Variants in SYT3 observed in about 807,000 individuals in gnomAD.
SYT3 encodes synaptotagmin-3.
SYT3 carries 25 observed loss-of-function variants against 50.6 expected under a neutral mutation model. The ratio of observed to expected loss-of-function variants is 0.49; its 90% confidence interval spans 0.36 to 0.69. The LOEUF (loss-of-function observed/expected upper bound fraction) is 0.69, where lower values mean the gene tolerates loss of function less well. Among genes scored for constraint, SYT3 ranks in the 30% least tolerant of loss-of-function variants. The probability of loss-of-function intolerance (pLI) is 0.00; values close to 1 mark genes in which losing one functional copy is unlikely to be tolerated. For synonymous variants in SYT3, 323 were observed against 353.9 expected (o/e 0.91, Z 0.98); for missense variants, 589 against 793.6 (o/e 0.74, Z 3.10).
At chr19:50,635,363 G>A (rs565710628) in intron 3 of SYT3, among the ~76,000 whole-genome samples, 26 of 152,248 alleles carry the variant, frequency 1.7e-4, no homozygotes, top group Non-Finnish European at 2.9e-4. Context: ...TTCCCCTACC[G>A]CCAGCCTGAT....
intron 9 of SYT3, chr19:50,624,727 T>G (rs1193246876): frequency 6.5e-6 from 1 of 153,688 alleles, no homozygotes; most frequent in African/African-American, 2.4e-5. Flanking sequence ...TAATTTTGTA[T>G]TTTTAGTAGA....
rs372300675 is a variant in SYT3, at chr19:50,639,416, ATT to A, written c.-153-256_-153-255del. 9,740 of 143,876 alleles carry A rather than the reference ATT, an allele frequency of 0.068. 437 individuals are homozygous for A. Among genetic ancestry groups the A allele is most frequent in the Non-Finnish European group, 0.1 (6,725 of 65,526 alleles). The allele number at this position is 143,876 out of a possible 1,614,324, so 8.9% of individuals were successfully genotyped here. A position where few individuals can be genotyped will look rare whatever the true frequency, so the allele number is the denominator to read the frequency against. Reference sequence around the variant, plus strand: ...GCCTCCGGGCTGCAGAGAGGATGGGATTTTTTTTTTTTTTTTAAGGTTTTGGG... The same window carrying A: ...GCCTCCGGGCTGCAGAGAGGATGGGATTTTTTTTTTTTTTAAGGTTTTGGG... On this transcript the variant is annotated intron_variant, in intron 1 of 10. Coordinates refer to ENST00000600079, the MANE Select transcript of SYT3 (RefSeq NM_001160329.2). The surrounding 1 kb of genome is among the most constrained non-coding windows in gnomAD (Gnocchi z 4.6).
the SYT3 span, among the ~76,000 whole-genome samples, chr19:50,657,515 A>G: frequency 6.6e-6 from 1 of 152,206 alleles, no homozygotes; most frequent in Non-Finnish European, 1.5e-5. Context: ...AAATAGATTG[A>G]CAAGACATCA....
In SYT3 at chr19:50,632,215, A is replaced by C; in HGVS notation, c.674+71T>G. ...TCCAAATCCCGAACTCATAAGAGCT[A>C]TAGATAGGAAAGAGACACAGAGGAG... On this transcript the variant is annotated intron_variant, in intron 4 of 10. Transcript: ENST00000600079. This position sits in a 1 kb window ranked among gnomAD's most constrained non-coding sequence, Gnocchi z 4.7. 7 of 1,457,060 alleles carry C rather than the reference A, an allele frequency of 4.8e-6. No individual in the cohort carries two copies. Among genetic ancestry groups the C allele is most frequent in the Non-Finnish European group, 6.5e-6 (7 of 1,081,930 alleles). 90.3% of individuals were successfully genotyped at this position (1,457,060 alleles called of 1,614,324 possible). A position where few individuals can be genotyped will look rare whatever the true frequency, so the allele number is the denominator to read the frequency against.
the SYT3 span, among the ~76,000 whole-genome samples, chr19:50,650,577 A>G: frequency 1.3e-5 from 2 of 152,318 alleles, no homozygotes; most frequent in East Asian, 3.9e-4. Flanking sequence ...AGGCTGAGGC[A>G]GGAGAATCGC....
chr19:50,625,278 C>T lies in SYT3; in HGVS notation c.1591G>A (p.Val531Met). ...GGGCCCACACGGCACACGCCGATCA[C>T]CTCGTTGTGCCCGATGCTGGGGGTT... Reference protein sequence around the residue: ...VDYDCIGHNEVIGVCRVGPDA... With the variant: ...VDYDCIGHNEMIGVCRVGPDA... Residue 531 changes from valine to methionine, a missense_variant, in exon 9 of 11, where the codon GTG becomes ATG. Val to Met is a conservative substitution (Grantham distance 21). Around this residue, in one of 2 missense-constraint regions of SYT3, gnomAD observed 273 missense variants for 439.3 expected, o/e 0.62. Coordinates refer to ENST00000600079, the MANE Select transcript of SYT3 (RefSeq NM_001160329.2). The surrounding 1 kb of genome is among the most constrained non-coding windows in gnomAD (Gnocchi z 7.5). 6.5e-7 allele frequency: 1 copy of T among 1,541,004 alleles called. No individual in the cohort carries two copies. The highest frequency in any genetic ancestry group is 8.7e-7 in the Non-Finnish European group (1 of 1,146,876).
Position 50,639,638 on chromosome 19 carries a change from C to A in SYT3, c.-154+152G>T, listed in dbSNP as rs995442546. Among the ~76,000 whole-genome samples, 2 of 151,898 alleles carry A rather than the reference C, an allele frequency of 1.3e-5. No individual in the cohort carries two copies. Among genetic ancestry groups the A allele is most frequent in the Non-Finnish European group, 1.5e-5 (1 of 67,938 alleles). ...CCTTCCAGGGCCACGTGCCCCTCCC[C>A]CGGGGTGGCCAGAGAGCGCTGCAGC... On this transcript the variant is annotated intron_variant, in intron 1 of 10. Transcript: ENST00000600079. The surrounding 1 kb of genome is among the most constrained non-coding windows in gnomAD (Gnocchi z 4.6).
In SYT3 at chr19:50,629,294, C is replaced by A. The variant is rs778913847; in HGVS notation, c.1281G>T (p.Ser427=). The A allele has an allele frequency of 1.3e-6, 2 of 1,591,388 alleles. No individual in the cohort carries two copies. Among genetic ancestry groups the A allele is most frequent in the African/African-American group, 2.7e-5 (2 of 74,444 alleles). The change falls in exon 6 of 11, where the codon TCG becomes TCT. Residue 427 remains serine, a splice_region_variant and synonymous_variant. Coordinates refer to ENST00000600079, the MANE Select transcript of SYT3 (RefSeq NM_001160329.2). ...AAGGTCAGGGGAGAGGGCCACTGAC[C>A]GAGCCGCCCTCCACGATGTCCCTCC... ...PLWRDIVEGG[S]EKADLGELNF...
chr19:50,623,145 G>A (rs1983910193), intron 9 of SYT3, among the ~76,000 whole-genome samples: 1 of 151,532 alleles, frequency 6.6e-6, no homozygotes, highest in Non-Finnish European at 1.5e-5. Context: ...AAATTCATGG[G>A]CAGTGTCAGG....
Position 50,632,585 on chromosome 19 carries a change from A to T in SYT3, c.375T>A (p.Pro125=), listed in dbSNP as rs373467302. ...CATGGTGGTGTGGGCCGCCCAGCAG[A>T]GGATGGCCACCCAGGCCAGCCGCCA... ...HHLAAGLGGH[P]LLGGPHHHAH... is the part of the protein sequence containing the mutation. Residue 125 remains proline (P), a synonymous_variant, in exon 4 of 11, where the codon CCT becomes CCA. Coordinates refer to ENST00000600079, the MANE Select transcript of SYT3 (RefSeq NM_001160329.2). This position sits in a 1 kb window ranked among gnomAD's most constrained non-coding sequence, Gnocchi z 4.7. 3.7e-5 allele frequency: 58 copies of T among 1,583,364 alleles called. No individual in the cohort carries two copies. The highest frequency in any genetic ancestry group is 4.9e-5 in the Non-Finnish European group (57 of 1,165,340).
At chr19:50,642,271 A>C (rs567280772), upstream of SYT3, among the ~76,000 whole-genome samples, 1 of 152,360 alleles carries the variant, frequency 6.6e-6, no homozygotes, top group South Asian at 2.1e-4. Context: ...ACAGGGAGAG[A>C]CACGCAGTGA....
chr19:50,640,179 G>A (rs1159256420), upstream of SYT3, among the ~76,000 whole-genome samples: 1 of 152,136 alleles, frequency 6.6e-6, no homozygotes, highest in African/African-American at 2.4e-5. Flanking sequence ...AACCTGAGCC[G>A]CTCTGAAGGC....
chr19:50,635,962 A>T (rs1984483110), intron 3 of SYT3, among the ~76,000 whole-genome samples: 1 of 152,138 alleles, frequency 6.6e-6, no homozygotes, highest in Admixed American at 6.5e-5. Flanking sequence ...CATGAGTATA[A>T]CAGTTTCCAG....
chr19:50,656,206 C>A, the SYT3 span: 2 of 1,536,068 alleles, frequency 1.3e-6, no homozygotes, highest in Non-Finnish European at 8.7e-7. Context: ...GAGGTCCCTG[C>A]CTGTTCGCTC....
the SYT3 span, among the ~76,000 whole-genome samples, chr19:50,647,685 A>C: frequency 6.6e-6 from 1 of 152,054 alleles, no homozygotes; most frequent in African/African-American, 2.4e-5. Context: ...ACAAACAAAA[A>C]AGGAGGCTGG....
At chr19:50,623,756 C>T (rs972880145) in intron 9 of SYT3, among the ~76,000 whole-genome samples, 3 of 151,198 alleles carry the variant, frequency 2.0e-5, no homozygotes. Flanking sequence ...TGAGCCAAGA[C>T]TGCAACACTG....
upstream of SYT3, among the ~76,000 whole-genome samples, chr19:50,640,027 C>T (rs1984631970): frequency 6.6e-6 from 1 of 152,196 alleles, no homozygotes; most frequent in African/African-American, 2.4e-5. Flanking sequence ...GGTTTCCACA[C>T]TGGGGACCCA....
chr19:50,623,839 A>C (rs1269511339), intron 9 of SYT3, among the ~76,000 whole-genome samples: 1 of 152,006 alleles, frequency 6.6e-6, no homozygotes, highest in Non-Finnish European at 1.5e-5. Context: ...AAGATTTTAA[A>C]AAAAATCAAA....
upstream of SYT3, among the ~76,000 whole-genome samples, chr19:50,643,945 C>G (rs1378319727): frequency 6.6e-6 from 1 of 152,004 alleles, no homozygotes; most frequent in African/African-American, 2.4e-5. Flanking sequence ...GATGAGTAGG[C>G]ATAAGCCAGG....
Sources: gnomAD v4.1 joint callset for allele counts (sites outside exome capture counted in the v4.1 genomes callset) on GRCh38, gnomAD v4.1.1 for gene constraint, gnomAD v4.1.1 regional missense constraint, Gnocchi (gnomAD v3.1) non-coding constraint, MANE v1.5 for transcripts, NCBI Gene and HGNC (gene_info 2026-07-23, HGNC 2026-07-21) for gene names.